The following ZCWPW2 variants were observed in gnomAD, a reference collection of about 807,000 sequenced individuals.
The protein encoded by ZCWPW2 is zinc finger CW-type and PWWP domain containing 2.
A neutral mutation model predicts 46.6 loss-of-function variants in ZCWPW2; 45 were observed. The observed-to-expected ratio is 0.96, with a 90% confidence interval of 0.76 to 1.24. ZCWPW2 has a LOEUF of 1.24. ZCWPW2 is among the 50% of genes most tolerant of loss of function. The probability of loss-of-function intolerance (pLI) is 0.00; values close to 1 mark genes in which losing one functional copy is unlikely to be tolerated. For missense variants in ZCWPW2, 429 were observed against 403.9 expected, an observed-to-expected ratio of 1.06 and a Z score of -0.53; for synonymous variants, 152 against 137.1, an observed-to-expected ratio of 1.11 and a Z score of -0.76.
Position 28,524,668 on chromosome 3 carries a change from G to T in ZCWPW2, c.1051G>T (p.Ala351Ser). Reference protein sequence around the residue: ...DITNKFKEIDALMSEF With the variant: ...DITNKFKEIDSLMSEF ...AACTAATAAATTTAAAGAAATAGAT[G>T]CTTTGATGTCTGAGTTTTAGAACAT... Residue 351 changes from alanine (A) to serine (S), a missense_variant, in exon 10 of 10, where the codon GCT becomes TCT. By Grantham distance (99) the Ala-to-Ser change is moderately conservative (BLOSUM62 1). Transcript: ENST00000383768. The T allele has an allele frequency of 6.4e-7, 1 of 1,550,982 alleles. No homozygotes were observed. The highest frequency in any genetic ancestry group is 8.7e-7 in the Non-Finnish European group (1 of 1,148,160).
intron 1 of ZCWPW2, among the ~76,000 whole-genome samples, chr3:28,375,122 T>C (rs149021427): frequency 0.018 from 2,758 of 152,150 alleles, 36 homozygotes; most frequent in Non-Finnish European, 0.029. Flanking sequence ...TTTTACTGTA[T>C]TTTTCCTGAT....
chr3:28,450,153 T>C (rs910878522), intron 4 of ZCWPW2, among the ~76,000 whole-genome samples: 6 of 152,322 alleles, frequency 3.9e-5, no homozygotes, highest in Admixed American at 3.9e-4. Flanking sequence ...TCTGATTAAG[T>C]TTTTCTCAAC....
chr3:28,391,846 C>T (rs1472050961), intron 2 of ZCWPW2, among the ~76,000 whole-genome samples: 1 of 152,116 alleles, frequency 6.6e-6, no homozygotes, highest in Non-Finnish European at 1.5e-5. Flanking sequence ...CAGGCCACCA[C>T]CCACCCAACC....
chr3:28,507,467 C>G (rs1315997696), intron 6 of ZCWPW2, among the ~76,000 whole-genome samples: 1 of 151,060 alleles, frequency 6.6e-6, no homozygotes. Context: ...AGATGGTGGT[C>G]AGTGATTTAG....
intron 1 of ZCWPW2, among the ~76,000 whole-genome samples, chr3:28,388,940 C>T (rs1198535820): frequency 6.6e-6 from 1 of 152,198 alleles, no homozygotes; most frequent in Non-Finnish European, 1.5e-5. Context: ...TACTGTTTCT[C>T]TTCCATTGTG....
chr3:28,386,416 C>T (rs1352137211), intron 1 of ZCWPW2, among the ~76,000 whole-genome samples: 1 of 152,062 alleles, frequency 6.6e-6, no homozygotes, highest in African/African-American at 2.4e-5. Flanking sequence ...TTAAGTTATC[C>T]AGTCTGTGAT....
At chr3:28,370,498 A>G (rs1482253903) in intron 1 of ZCWPW2, among the ~76,000 whole-genome samples, 1 of 152,254 alleles carries the variant, frequency 6.6e-6, no homozygotes, top group African/African-American at 2.4e-5. Flanking sequence ...GATATACTTT[A>G]TATGAAGATC....
chr3:28,413,312 T>C lies in ZCWPW2; in HGVS notation c.244T>C (p.Ser82Pro). Residue 82 changes from serine to proline, a missense_variant, in exon 3 of 10, where the codon TCT (serine) becomes CCT (proline). Physicochemically the swap from Ser to Pro is moderately conservative, Grantham distance 74. Transcript: ENST00000383768. ...SISEEDFPEESQLHQCGFKIV... is the reference protein window; with the variant it reads ...SISEEDFPEEPQLHQCGFKIV... ...TTCTGAAGAAGACTTCCCTGAAGAG[T>C]CTCAGCTTCATCAGTGTGGATTTAA... 1 of 1,613,196 alleles carries C rather than the reference T, an allele frequency of 6.2e-7. No homozygotes were observed. Among genetic ancestry groups the C allele is most frequent in the Non-Finnish European group, 8.5e-7 (1 of 1,179,454 alleles).
rs986130956 is a variant in ZCWPW2 at position 28,453,456 on chromosome 3, G to A, written c.492+18187G>A. Among the ~76,000 whole-genome samples, 12 of 152,112 alleles carry A rather than the reference G, an allele frequency of 7.9e-5. No homozygotes were observed. The South Asian group carries it at 1.0e-3, about 13-fold the overall frequency. ...TTCCATCATCAAATGCATGAAAAAT[G>A]TATCAATTAGGTTTATCATATTGAC... On this transcript the variant is annotated intron_variant, in intron 4 of 9. Transcript: ENST00000383768.
At chr3:28,364,541 T>C (rs1705055236) in intron 1 of ZCWPW2, among the ~76,000 whole-genome samples, 1 of 152,170 alleles carries the variant, frequency 6.6e-6, no homozygotes, top group African/African-American at 2.4e-5. Context: ...CTGTTTTTCA[T>C]ACTGATTGTA....
chr3:28,427,476 C>T (rs1001068567), intron 3 of ZCWPW2, among the ~76,000 whole-genome samples: 3 of 152,098 alleles, frequency 2.0e-5, no homozygotes, highest in Non-Finnish European at 4.4e-5. Context: ...TTCCCTCTGC[C>T]TCATGAAGAA....
chr3:28,416,784 C>T (rs1168706910), intron 3 of ZCWPW2, among the ~76,000 whole-genome samples: 3 of 94,264 alleles, frequency 3.2e-5, no homozygotes, highest in Admixed American at 1.3e-4. Flanking sequence ...CATGTGGTTT[C>T]TGTCTTTGGT....
chr3:28,406,439 T>A (rs1696163250), intron 2 of ZCWPW2, among the ~76,000 whole-genome samples: 2 of 152,198 alleles, frequency 1.3e-5, no homozygotes, highest in African/African-American at 4.8e-5. Flanking sequence ...AAACCATATC[T>A]GTGCACTTTT....
intron 3 of ZCWPW2, among the ~76,000 whole-genome samples, chr3:28,413,640 G>A (rs754267226): frequency 7.2e-5 from 11 of 151,940 alleles, no homozygotes; most frequent in Non-Finnish European, 1.5e-4. Flanking sequence ...TTTTCTCCAA[G>A]TAGTGTTGTA....
At chr3:28,511,013 A>G in intron 6 of ZCWPW2, 1 of 454,772 alleles carries the variant, frequency 2.2e-6, no homozygotes, top group Non-Finnish European at 4.4e-6. Context: ...TAGCCTTTTC[A>G]GCTATCAAGA....
intron 1 of ZCWPW2, among the ~76,000 whole-genome samples, chr3:28,376,112 C>T (rs933526400): frequency 3.3e-5 from 5 of 151,924 alleles, no homozygotes; most frequent in African/African-American, 9.6e-5. Context: ...ATAGGGGTAC[C>T]GATGTCTTTT....
chr3:28,497,670 G>T (rs923502095), intron 6 of ZCWPW2, among the ~76,000 whole-genome samples: 6 of 152,084 alleles, frequency 3.9e-5, no homozygotes, highest in Non-Finnish European at 8.8e-5. Flanking sequence ...CTGAGTTGTA[G>T]TATCAGTTGT....
chr3:28,433,368 G>T (rs549371940), intron 3 of ZCWPW2, among the ~76,000 whole-genome samples: 12 of 152,132 alleles, frequency 7.9e-5, no homozygotes, highest in African/African-American at 1.7e-4. Flanking sequence ...GAAAACATTT[G>T]GGTTTTGGCA....
chr3:28,475,617 A>G (rs927603345), intron 4 of ZCWPW2, among the ~76,000 whole-genome samples: 1 of 152,144 alleles, frequency 6.6e-6, no homozygotes, highest in African/African-American at 2.4e-5. Context: ...ATTTTCTGAA[A>G]TCATTTCCTA....
Sources: gnomAD v4.1 joint callset for allele counts (sites outside exome capture counted in the v4.1 genomes callset) on GRCh38, gnomAD v4.1.1 for gene constraint, MANE v1.5 for transcripts, NCBI Gene and HGNC (gene_info 2026-07-23, HGNC 2026-07-21) for gene names.